DAB1: variants seen among roughly 807,000 people sequenced by gnomAD.
DAB1 encodes disabled homolog 1.
A neutral mutation model predicts 64.6 loss-of-function variants in DAB1; 15 were observed. That is an observed-to-expected ratio of 0.23 (90% CI 0.16 to 0.36). The LOEUF is 0.36. Ranked by LOEUF, DAB1 falls within the 10% of genes least tolerant of loss-of-function variation. DAB1 has a pLI of 1.00. For missense variants in DAB1, 596 were observed against 706.7 expected, an observed-to-expected ratio of 0.84 and a Z score of 1.78; for synonymous variants, 235 against 251.9, an observed-to-expected ratio of 0.93 and a Z score of 0.64.
At chr1:58,283,898 GTTACCTAA>G (rs894915994) in intron 4 of DAB1, among the ~76,000 whole-genome samples, 33 of 152,332 alleles carry the variant, frequency 2.2e-4, no homozygotes, top group African/African-American at 7.5e-4. Flanking sequence ...TACAGTCCTA[GTTACCTAA>G]TACACAGTGC....
chr1:57,618,932 T>C (rs2101613264), intron 7 of DAB1, among the ~76,000 whole-genome samples: 1 of 152,304 alleles, frequency 6.6e-6, no homozygotes, highest in East Asian at 1.9e-4. Context: ...CTCTGTGCTA[T>C]AGGCTATAAT....
At chr1:58,270,416 G>C (rs1412227004) in intron 4 of DAB1, among the ~76,000 whole-genome samples, 1 of 100,022 alleles carries the variant, frequency 1.0e-5, no homozygotes, top group Non-Finnish European at 1.9e-5. Context: ...TGCTGTTTTG[G>C]TTACTGTAGC....
At chr1:57,875,430 A>AG (rs1644028243) in intron 1 of DAB1, among the ~76,000 whole-genome samples, 1 of 152,100 alleles carries the variant, frequency 6.6e-6, no homozygotes. Flanking sequence ...TCATTCATTC[A>AG]TCCACTCATT....
chr1:58,129,629 A>T (rs1653384084), intron 5 of DAB1, among the ~76,000 whole-genome samples: 1 of 142,206 alleles, frequency 7.0e-6, no homozygotes. Context: ...ACTGCTTTGA[A>T]TGAGTCCCAG....
chr1:57,003,897 G>A (rs1314691900), intron 14 of DAB1, among the ~76,000 whole-genome samples: 1 of 152,132 alleles, frequency 6.6e-6, no homozygotes, highest in African/African-American at 2.4e-5. Context: ...GACTTCTCTT[G>A]TGCCTTCTCA....
chr1:57,981,166 C>A (rs557702700), intron 5 of DAB1, among the ~76,000 whole-genome samples: 1 of 152,136 alleles, frequency 6.6e-6, no homozygotes, highest in East Asian at 1.9e-4. Context: ...TTATTTGCCT[C>A]ATCTGTATAC....
intron 1 of DAB1, among the ~76,000 whole-genome samples, chr1:57,349,819 T>A (rs899311541): frequency 2.0e-5 from 3 of 152,186 alleles, no homozygotes; most frequent in African/African-American, 7.2e-5. Context: ...TGTCCAAGGA[T>A]AGCTACAAAA....
intron 5 of DAB1, among the ~76,000 whole-genome samples, chr1:58,020,744 C>G (rs1318382137): frequency 1.3e-5 from 2 of 152,218 alleles, no homozygotes; most frequent in Non-Finnish European, 2.9e-5. Context: ...TGGCTCACGC[C>G]TGTAATCCCA....
At chr1:57,921,074 C>T (rs547360145) in intron 5 of DAB1, among the ~76,000 whole-genome samples, 4 of 152,228 alleles carry the variant, frequency 2.6e-5, no homozygotes, top group African/African-American at 7.2e-5. Flanking sequence ...TAATTAAATA[C>T]ATCATAATAT....
rs183336993 is a variant in DAB1, at chr1:58,248,570, A to C, written n.309+94782T>G. Among the ~76,000 whole-genome samples the C allele has an allele frequency of 3.3e-5, 5 of 152,240 alleles. No homozygotes were observed. In the East Asian group the frequency reaches 9.7e-4, roughly 30 times the overall value. ...TCTGAACAGAAATCTACTATCTAGC[A>C]TCAAACGTACAAGCAGATAGAAGAA... On this transcript the variant is annotated intron_variant and non_coding_transcript_variant, in intron 4 of 20. Coordinates refer to the DAB1 transcript ENST00000485760.
intron 7 of DAB1, among the ~76,000 whole-genome samples, chr1:57,570,178 C>T (rs998194858): frequency 1.3e-5 from 2 of 152,068 alleles, no homozygotes; most frequent in Admixed American, 6.6e-5. Context: ...CAGCTGCCAG[C>T]GAAGCTAGAA....
chr1:57,571,802 G>C (rs1645196548), intron 7 of DAB1, among the ~76,000 whole-genome samples: 1 of 152,154 alleles, frequency 6.6e-6, no homozygotes, highest in Non-Finnish European at 1.5e-5. Context: ...AGTAAATTTG[G>C]GATTTGGGTT....
chr1:57,485,356 A>T (rs1253495060), intron 7 of DAB1, among the ~76,000 whole-genome samples: 2 of 152,132 alleles, frequency 1.3e-5, no homozygotes, highest in Non-Finnish European at 2.9e-5. Flanking sequence ...TGTATTACTT[A>T]CCCCCTCTCT....
chr1:57,227,139 C>T (rs931641258), intron 2 of DAB1, among the ~76,000 whole-genome samples: 1 of 152,166 alleles, frequency 6.6e-6, no homozygotes, highest in African/African-American at 2.4e-5. Flanking sequence ...TGCACCACTG[C>T]ACTCCAGCAT....
At chr1:57,473,969 C>T (rs1332018722) in intron 7 of DAB1, among the ~76,000 whole-genome samples, 26 of 152,072 alleles carry the variant, frequency 1.7e-4, no homozygotes, top group Admixed American at 1.4e-3. Context: ...ACCAGATTTA[C>T]GATCAATATA....
intron 4 of DAB1, among the ~76,000 whole-genome samples, chr1:58,253,873 G>A (rs75344312): frequency 0.1 from 15,629 of 152,276 alleles, 1,157 homozygotes; most frequent in Admixed American, 0.18. Flanking sequence ...TAGGACCTGA[G>A]CTTCTGTTTT....
chr1:58,305,198 C>G (rs1662278184), intron 4 of DAB1, among the ~76,000 whole-genome samples: 1 of 152,122 alleles, frequency 6.6e-6, no homozygotes, highest in African/African-American at 2.4e-5. Context: ...TCCCAAGTAG[C>G]TGGGACTTCA....
chr1:57,610,286 A>T (rs1160856729), intron 7 of DAB1, among the ~76,000 whole-genome samples: 1 of 152,206 alleles, frequency 6.6e-6, no homozygotes, highest in East Asian at 1.9e-4. Context: ...AAAGCTTCTG[A>T]TATGCATTAA....
At chr1:57,160,410 T>TA (rs1282874651) in intron 2 of DAB1, among the ~76,000 whole-genome samples, 1 of 151,938 alleles carries the variant, frequency 6.6e-6, no homozygotes, top group Non-Finnish European at 1.5e-5. Flanking sequence ...GCAGGTGTGC[T>TA]AAAAAAGAAA....
Sources: gnomAD v4.1 joint callset for allele counts (sites outside exome capture counted in the v4.1 genomes callset) on GRCh38, gnomAD v4.1.1 for gene constraint, MANE v1.5 for transcripts, NCBI Gene and HGNC (gene_info 2026-07-23, HGNC 2026-07-21) for gene names.